The following CEP126 variants were observed in gnomAD, a reference collection of about 807,000 sequenced individuals.
CEP126 encodes centrosomal protein of 126 kDa.
Under a neutral mutation model 107.8 loss-of-function variants are expected in CEP126, and 74 were observed. The observed-to-expected ratio is 0.69, with a 90% CI of 0.57 to 0.83. The LOEUF (loss-of-function observed/expected upper bound fraction) is 0.83, where lower values mean the gene tolerates loss of function less well. Among genes scored for constraint, CEP126 ranks in the 40% least tolerant of loss-of-function variants. The pLI is 0.00. For missense variants in CEP126, 1,237 were observed against 1,281.9 expected, an observed-to-expected ratio of 0.96 and a Z score of 0.53; for synonymous variants, 449 against 446.0, an observed-to-expected ratio of 1.01 and a Z score of -0.08.
At chr11:101,955,755 T>TCTGC in intron 4 of CEP126, 1 of 390,966 alleles carries the variant, frequency 2.6e-6, no homozygotes, top group Non-Finnish European at 5.1e-6. Context: ...AGGCTGTCTC[T>TCTGC]CTGCCTGCCT....
At chr11:101,928,312 T>C (rs1940441167) in intron 2 of CEP126, among the ~76,000 whole-genome samples, 2 of 152,196 alleles carry the variant, frequency 1.3e-5, no homozygotes, top group Non-Finnish European at 2.9e-5. Flanking sequence ...ACCTTGGAGA[T>C]TATTTTTCCA....
intron 4 of CEP126, among the ~76,000 whole-genome samples, chr11:101,955,042 T>G (rs898574780): frequency 2.0e-5 from 3 of 152,038 alleles, no homozygotes; most frequent in African/African-American, 7.2e-5. Flanking sequence ...GTGGAAAATG[T>G]TAGTGGTAGA....
In CEP126 at chr11:101,962,248, G is replaced by A. The variant is rs1209836515; in HGVS notation, c.1213G>A (p.Glu405Lys). ...TDSTSGAFKR[E>K]RPLVTESPTF... is the part of the protein sequence containing the mutation. ...CTCCACTTCTGGAGCATTCAAAAGAGAGAGACCATTAGTTACTGAGAGCCC... is the reference window on the plus strand; with the variant it reads ...CTCCACTTCTGGAGCATTCAAAAGAAAGAGACCATTAGTTACTGAGAGCCC... Residue 405 changes from glutamate (E) to lysine (K), a missense_variant, in exon 6 of 11, where the codon GAG becomes AAG. Physicochemically the swap from Glu to Lys is moderately conservative, Grantham distance 56 (BLOSUM62 1). Coordinates refer to ENST00000263468, the MANE Select transcript of CEP126 (RefSeq NM_020802.4). 6.2e-7 allele frequency: 1 copy of A among 1,613,944 alleles called. No individual in the cohort carries two copies. The highest frequency in any genetic ancestry group is 8.5e-7 in the Non-Finnish European group (1 of 1,179,866).
rs1480970070 is a variant in CEP126, at chr11:101,993,596, T to G, written c.3309+754T>G. Among the ~76,000 whole-genome samples, 17 of 152,226 alleles carry G rather than the reference T, an allele frequency of 1.1e-4. 1 individual carries two copies. Among genetic ancestry groups the G allele is most frequent in the Admixed American group, 1.1e-3 (17 of 15,284 alleles). ...ATAATGGGATTGCTGGGTTGAATGG[T>G]ACTTCTGTTTTAAGTTCTTTAAGAA... On this transcript the variant is annotated intron_variant, in intron 10 of 10. Transcript: ENST00000263468.
chr11:101,956,875 G>C, intron 4 of CEP126: 1 of 372,044 alleles, frequency 2.7e-6, no homozygotes, highest in Non-Finnish European at 5.2e-6. Context: ...AAGTAGAGAA[G>C]AGAAGAGAAG....
At position 101,963,806 on chromosome 11, in the gene CEP126, G is replaced by A. The variant is rs1173021370; in HGVS notation, c.2771G>A (p.Arg924Lys). The change falls in exon 6 of 11, where the codon AGA becomes AAA. Residue 924 changes from arginine to lysine, a missense_variant. Physicochemically the swap from Arg to Lys is conservative, Grantham distance 26. This residue lies in a region of CEP126 where 1,134 missense variants were observed against 1,150.5 expected (regional missense o/e 0.99). Coordinates refer to ENST00000263468, the MANE Select transcript of CEP126 (RefSeq NM_020802.4). Reference protein sequence around the residue: ...CEESYPSVTLRTAEEESVPLW... With the variant: ...CEESYPSVTLKTAEEESVPLW... ...GAAAGTTATCCGTCTGTGACTCTAA[G>A]AACTGCTGAAGAAGAATCAGTTCCC... 4 of 1,614,144 alleles carry A rather than the reference G, an allele frequency of 2.5e-6. No individual in the cohort carries two copies. The highest frequency in any genetic ancestry group is 3.4e-6 in the Non-Finnish European group (4 of 1,180,008).
intron 5 of CEP126, among the ~76,000 whole-genome samples, chr11:101,961,465 AT>A (rs1178332911): frequency 2.0e-5 from 3 of 151,954 alleles, no homozygotes; most frequent in African/African-American, 7.2e-5. Flanking sequence ...AATAACAAAA[AT>A]TTTTTTTAAG....
chr11:101,967,458 A>G (rs775070936), intron 6 of CEP126, among the ~76,000 whole-genome samples: 3 of 152,232 alleles, frequency 2.0e-5, no homozygotes, highest in Non-Finnish European at 4.4e-5. Context: ...TAAGTAGCAG[A>G]GAAAATTCAT....
intron 1 of CEP126, among the ~76,000 whole-genome samples, chr11:101,919,411 A>C (rs1395617930): frequency 2.0e-5 from 3 of 152,162 alleles, no homozygotes; most frequent in African/African-American, 7.2e-5. Context: ...CTTTAAAATC[A>C]CATGTTACAA....
intron 2 of CEP126, among the ~76,000 whole-genome samples, chr11:101,930,726 G>T (rs1223069330): frequency 1.3e-5 from 2 of 152,102 alleles, no homozygotes; most frequent in Non-Finnish European, 2.9e-5. Flanking sequence ...ATGCTGATTG[G>T]GGCATTACAA....
intron 2 of CEP126, among the ~76,000 whole-genome samples, chr11:101,937,956 A>G (rs1940609274): frequency 6.6e-6 from 1 of 151,276 alleles, no homozygotes; most frequent in Non-Finnish European, 1.5e-5. Context: ...GATCGAGACC[A>G]TCCTGGCTAA....
intron 2 of CEP126, among the ~76,000 whole-genome samples, chr11:101,943,610 G>A (rs1940696745): frequency 6.6e-6 from 1 of 150,962 alleles, no homozygotes; most frequent in Admixed American, 6.6e-5. Context: ...GCTTAAACTA[G>A]AGAACATAAA....
At chr11:101,945,544 C>T (rs1037083181) in intron 3 of CEP126, among the ~76,000 whole-genome samples, 6 of 152,102 alleles carry the variant, frequency 3.9e-5, no homozygotes, top group South Asian at 2.1e-4. Context: ...AGTAAAACTG[C>T]GCTAAATAAC....
intron 2 of CEP126, among the ~76,000 whole-genome samples, chr11:101,940,882 C>T (rs1940654439): frequency 2.0e-5 from 3 of 152,166 alleles, no homozygotes; most frequent in Admixed American, 2.0e-4. Context: ...AGTATCACTT[C>T]CATAACATTC....
At position 101,964,273 on chromosome 11, in the gene CEP126, A is replaced by G. The variant is rs564821454; in HGVS notation, c.2845+393A>G. On this transcript the variant is annotated intron_variant, in intron 6 of 10. Transcript: ENST00000263468. ...AGCCGAGATCATGTCACTGCACTCC[A>G]GCCTGATGACAGAGCAAGACTCTGT... Among the ~76,000 whole-genome samples the G allele has an allele frequency of 2.0e-5, 3 of 151,398 alleles. No individual in the cohort carries two copies. The East Asian group carries it at 5.9e-4, about 30-fold the overall frequency.
chr11:101,944,003 GT>G (rs1940703288), intron 2 of CEP126, among the ~76,000 whole-genome samples: 1 of 152,058 alleles, frequency 6.6e-6, no homozygotes, highest in African/African-American at 2.4e-5. Context: ...GTGGGAATAG[GT>G]ATGCAAACCT....
At position 101,915,375 on chromosome 11, in the gene CEP126, C is replaced by CG. The variant is rs779715132; in HGVS notation, c.94dup (p.Glu32GlyfsTer42). On this transcript the variant is annotated frameshift_variant, in exon 1 of 11. Coordinates refer to ENST00000263468, the MANE Select transcript of CEP126 (RefSeq NM_020802.4). LOFTEE classifies it high-confidence loss of function. ...CCTCGACAGAGCCCCCCTCGGCCCTCGGGAGAGCGGCGGGCATCACCGACC... is the reference window on the plus strand; with the variant it reads ...CCTCGACAGAGCCCCCCTCGGCCCTCGGGGAGAGCGGCGGGCATCACCGACC... 31 of 1,613,758 alleles carry CG rather than the reference C, an allele frequency of 1.9e-5. No individual in the cohort carries two copies. The African/African-American group carries it at 4.1e-4, about 22-fold the overall frequency.
chr11:101,938,296 CATG>C (rs1940620688), intron 2 of CEP126, among the ~76,000 whole-genome samples: 2 of 150,550 alleles, frequency 1.3e-5, no homozygotes, highest in African/African-American at 4.9e-5. Context: ...GTCTTGCATT[CATG>C]ATATTATTAA....
chr11:101,916,914 TAAAG>T (rs1281073865), intron 1 of CEP126, among the ~76,000 whole-genome samples: 2 of 151,996 alleles, frequency 1.3e-5, no homozygotes, highest in Non-Finnish European at 2.9e-5. Context: ...ACATTTCCTA[TAAAG>T]AAATACAACA....
Sources: gnomAD v4.1 joint callset for allele counts (sites outside exome capture counted in the v4.1 genomes callset) on GRCh38, gnomAD v4.1.1 for gene constraint, gnomAD v4.1.1 regional missense constraint, MANE v1.5 for transcripts, NCBI Gene and HGNC (gene_info 2026-07-23, HGNC 2026-07-21) for gene names.